Variants in STK26 observed in about 807,000 individuals in gnomAD.
The protein encoded by STK26 is serine/threonine kinase 26, also known as serine/threonine-protein kinase 26.
In STK26, 14 loss-of-function variants were observed where a neutral mutation model predicts 34.7. The ratio of observed to expected loss-of-function variants is 0.40; its 90% CI spans 0.27 to 0.63. The LOEUF (loss-of-function observed/expected upper bound fraction) is 0.63, where lower values mean the gene tolerates loss of function less well. Ranked by LOEUF, STK26 falls within the 30% of genes least tolerant of loss-of-function variation. The pLI is 0.38. For synonymous variants in STK26, 100 were observed against 109.8 expected (o/e 0.91, Z 0.56); for missense variants, 226 against 309.1 (o/e 0.73, Z 2.02).
chrX:132,059,603 CATA>C (rs1481645632), intron 3 of STK26, among the ~76,000 whole-genome samples: 1 of 111,588 alleles, frequency 9.0e-6, no homozygotes, highest in Non-Finnish European at 1.9e-5. Flanking sequence ...CTTCTGATCT[CATA>C]ATATTGGAAT....
intron 2 of STK26, among the ~76,000 whole-genome samples, chrX:132,041,971 A>T (rs1290862166): frequency 8.9e-6 from 1 of 112,106 alleles, no homozygotes; most frequent in East Asian, 2.8e-4. Flanking sequence ...TATTTGTTAA[A>T]AGATTCAACT....
At chrX:132,059,245 G>A (rs995419526) in intron 3 of STK26, among the ~76,000 whole-genome samples, 10 of 111,954 alleles carry the variant, frequency 8.9e-5, no homozygotes, top group Non-Finnish European at 1.7e-4. Context: ...GATTTTGTGA[G>A]TCAAGTTAAT....
At chrX:132,058,689 A>C (rs1926944964) in intron 3 of STK26, among the ~76,000 whole-genome samples, 1 of 111,637 alleles carries the variant, frequency 9.0e-6, no homozygotes, top group African/African-American at 3.3e-5. Flanking sequence ...TTGATTGTAA[A>C]GTGTACTCAG....
chrX:132,036,702 G>A (rs1159839531), intron 2 of STK26, among the ~76,000 whole-genome samples: 7 of 112,079 alleles, frequency 6.2e-5, no homozygotes, highest in Non-Finnish European at 1.1e-4. Flanking sequence ...ATGCTGATAT[G>A]TTTACCTTAT....
intron 3 of STK26, among the ~76,000 whole-genome samples, chrX:132,055,708 A>G (rs1441574294): frequency 8.9e-6 from 1 of 112,336 alleles, no homozygotes; most frequent in Admixed American, 9.4e-5. Context: ...GCTGTGCTAG[A>G]TCTTTGCCAT....
chrX:132,058,243 CGTGTGTGTGTAT>C (rs1295390877), intron 3 of STK26, among the ~76,000 whole-genome samples: 2 of 102,682 alleles, frequency 1.9e-5, no homozygotes, highest in Non-Finnish European at 3.9e-5. Flanking sequence ...TGTGTGTGTG[CGTGTGTGTGTAT>C]GTGTGTGTGT....
In STK26 at chrX:132,055,881, C is replaced by T. The variant is rs188418989; in HGVS notation, c.273+1020C>T. ...CTTCGGATATCCATCTATACCTTTA[C>T]GAAATAACCTGTCTTCAAGTTCACA... is the stretch of plus-strand genomic sequence containing the variant. On this transcript the variant is annotated intron_variant, in intron 3 of 11. Transcript: ENST00000394334. 1.4e-3 allele frequency among the ~76,000 whole-genome samples: 156 copies of T among 112,202 alleles called. 1 individual carries two copies. Among genetic ancestry groups the T allele is most frequent in the African/African-American group, 4.6e-3 (142 of 30,903 alleles).
chrX:132,026,461 A>T (rs1305968939), intron 2 of STK26, among the ~76,000 whole-genome samples: 1 of 111,819 alleles, frequency 8.9e-6, no homozygotes, highest in Non-Finnish European at 1.9e-5. Flanking sequence ...AATTTTCCAT[A>T]CCAGTAGCTG....
chrX:132,068,105 C>T (rs1055355558), intron 4 of STK26, 110 bp from the exon 5 acceptor site: 27 of 526,028 alleles, frequency 5.1e-5, no homozygotes, highest in Middle Eastern at 4.1e-4. Context: ...ATAAACAGAA[C>T]GGCATCATGT....
intron 4 of STK26, among the ~76,000 whole-genome samples, chrX:132,067,169 G>A (rs773495859): frequency 1.8e-5 from 2 of 111,757 alleles, no homozygotes; most frequent in South Asian, 7.5e-4. Context: ...TGAGACCAAA[G>A]TATGAGTTCT....
intron 8 of STK26, 105 bp from the exon 9 acceptor site, chrX:132,072,141 TTTTTGCATCATGAGTTTTTAAA>T: frequency 1.9e-6 from 1 of 518,998 alleles, no homozygotes. Flanking sequence ...ATCAGATGCT[TTTTTGCATCATGAGTTTTTAAA>T]CATTGGGACA....
chrX:132,069,648 C>A lies in STK26; in HGVS notation c.768C>A (p.Asn256Lys). The A allele has an allele frequency of 8.9e-7, 1 of 1,124,553 alleles. No individual in the cohort carries two copies. Among genetic ancestry groups the A allele is most frequent in the Middle Eastern group, 2.5e-4 (1 of 3,926 alleles). 92.7% of individuals were successfully genotyped at this position (1,124,553 alleles called of 1,213,427 possible). ...SFKEFIDACL[N>K]KDPSFRPTAK... ...AGGAGTTTATTGATGCTTGCCTGAA[C>A]AAAGATCCATCATTTGTGAGTATAT... is the stretch of plus-strand genomic sequence containing the variant. The change falls in exon 7 of 12, where the codon AAC becomes AAA. Residue 256 changes from asparagine (N) to lysine (K), a missense_variant. Physicochemically the swap from Asn to Lys is moderately conservative, Grantham distance 94 (BLOSUM62 0). Coordinates refer to ENST00000394334, the MANE Select transcript of STK26 (RefSeq NM_016542.4).
intron 2 of STK26, among the ~76,000 whole-genome samples, chrX:132,046,021 G>A: frequency 9.0e-6 from 1 of 111,561 alleles, no homozygotes; most frequent in Non-Finnish European, 1.9e-5. Context: ...TTTAAGATAA[G>A]GAAAGTTATT....
chrX:132,042,137 G>A (rs1926289349), intron 2 of STK26, among the ~76,000 whole-genome samples: 1 of 111,271 alleles, frequency 9.0e-6, no homozygotes, highest in Non-Finnish European at 1.9e-5. Context: ...ATTTACAAGT[G>A]CTATTGACAA....
intron 8 of STK26, 33 bp from the exon 9 acceptor site, chrX:132,072,235 C>A: frequency 9.1e-7 from 1 of 1,093,333 alleles, no homozygotes; most frequent in Non-Finnish European, 1.3e-6. Context: ...ATCATTTGGG[C>A]ACTTATAGAG....
chrX:132,032,828 C>A (rs1380421978), intron 2 of STK26, among the ~76,000 whole-genome samples: 1 of 111,312 alleles, frequency 9.0e-6, no homozygotes, highest in Non-Finnish European at 1.9e-5. Context: ...AATTTCTAAG[C>A]ATGCTAGTGA....
intron 4 of STK26, among the ~76,000 whole-genome samples, chrX:132,064,314 A>G (rs974404973): frequency 2.7e-5 from 3 of 111,866 alleles, no homozygotes; most frequent in African/African-American, 9.8e-5. Flanking sequence ...TGGAAATGTG[A>G]TGGCATTTGG....
At chrX:132,039,803 A>T (rs975458164) in intron 2 of STK26, among the ~76,000 whole-genome samples, 1 of 111,965 alleles carries the variant, frequency 8.9e-6, no homozygotes, top group Non-Finnish European at 1.9e-5. Flanking sequence ...GATTCCTTGT[A>T]TTTTTGGAAA....
chrX:132,026,501 A>T (rs998514261), intron 2 of STK26, among the ~76,000 whole-genome samples: 1 of 109,642 alleles, frequency 9.1e-6, no homozygotes, highest in Non-Finnish European at 1.9e-5. Flanking sequence ...AGTACAACTT[A>T]AAAAAAAACC....
Sources: gnomAD v4.1 joint callset for allele counts (sites outside exome capture counted in the v4.1 genomes callset) on GRCh38, gnomAD v4.1.1 for gene constraint, MANE v1.5 for transcripts, NCBI Gene and HGNC (gene_info 2026-07-23, HGNC 2026-07-21) for gene names.